UGT3A1: variants seen among roughly 807,000 people sequenced by gnomAD.
UGT3A1 encodes UDP glycosyltransferase family 3 member A1.
A neutral mutation model predicts 37.6 loss-of-function variants in UGT3A1; 40 were observed. The ratio of observed to expected loss-of-function variants is 1.06; its 90% CI spans 0.83 to 1.38. UGT3A1 has a LOEUF of 1.38. Among genes scored for constraint, UGT3A1 ranks in the 40% most tolerant of loss-of-function variants. The pLI is 0.00. For missense variants in UGT3A1, 642 were observed against 634.2 expected (o/e 1.01, Z -0.13); for synonymous variants, 256 against 232.3 (o/e 1.10, Z -0.93).
Position 35,955,681 on chromosome 5 carries a change from AGT to A in UGT3A1, c.1257_1258del (p.Leu420AspfsTer62). The A allele has an allele frequency of 1.9e-6, 3 of 1,614,218 alleles. No individual in the cohort carries two copies. The highest frequency in any genetic ancestry group is 2.5e-6 in the Non-Finnish European group (3 of 1,180,050). ...TATGACTTGTTTCATTGTAAGTGTC[AGT>A]GTGTCGGCTGTGACCTGATTCAACC... On this transcript the variant is annotated frameshift_variant, in exon 6 of 7. Coordinates refer to ENST00000274278, the MANE Select transcript of UGT3A1 (RefSeq NM_152404.4). LOFTEE classifies it low-confidence loss of function (END_TRUNC).
chr5:35,973,294 G>A (rs1045795248), intron 2 of UGT3A1, among the ~76,000 whole-genome samples: 3 of 152,170 alleles, frequency 2.0e-5, no homozygotes, highest in African/African-American at 7.2e-5. Context: ...TTACCCATAA[G>A]AAGGTTCACT....
In UGT3A1 at chr5:35,988,530, A is replaced by G; in HGVS notation, c.116T>C (p.Leu39Ser). 6.2e-7 allele frequency: 1 copy of G among 1,613,302 alleles called. No homozygotes were observed. Among genetic ancestry groups the G allele is most frequent in the Non-Finnish European group, 8.5e-7 (1 of 1,179,628 alleles). ...STLGGSHYLL[L>S]DRVSQILQEH... is the part of the protein sequence containing the mutation. ...TTGAAGAATCTGAGACACCCGGTCC[A>G]ACAGTAGGTAATGGCTTCCACCTAG... Residue 39 changes from leucine (L) to serine (S), a missense_variant, in exon 2 of 7, where the codon TTG becomes TCG. Physicochemically the swap from Leu to Ser is moderately radical, Grantham distance 145. Transcript: ENST00000274278.
Position 35,954,280 on chromosome 5 carries a change from G to T in UGT3A1, c.1494C>A (p.Gly498=), listed in dbSNP as rs369589731. 2 of 1,614,130 alleles carry T rather than the reference G, an allele frequency of 1.2e-6. No homozygotes were observed. The highest frequency in any genetic ancestry group is 2.7e-5 in the African/African-American group (2 of 75,036). Reference sequence around the variant, plus strand: ...GCAGCTTCCCACAAAGCCACATAGTGCCCAGAGTGAGCCCCAGCAGAAACA... The same window carrying T: ...GCAGCTTCCCACAAAGCCACATAGTTCCCAGAGTGAGCCCCAGCAGAAACA... The part of the protein sequence containing the change: ...VFVFLLGLTL[G]TMWLCGKLLG... Residue 498 remains glycine (G), a synonymous_variant, in exon 7 of 7, where the codon GGC becomes GGA. Coordinates refer to ENST00000274278, the MANE Select transcript of UGT3A1 (RefSeq NM_152404.4).
intron 2 of UGT3A1, among the ~76,000 whole-genome samples, chr5:35,983,327 G>A (rs114059316): frequency 0.016 from 2,497 of 152,086 alleles, 66 homozygotes; most frequent in African/African-American, 0.056. Flanking sequence ...TCCAAGGCAC[G>A]TAAAACCTAC....
chr5:35,969,668 G>A (rs1267761407), intron 2 of UGT3A1, among the ~76,000 whole-genome samples: 1 of 152,060 alleles, frequency 6.6e-6, no homozygotes, highest in African/African-American at 2.4e-5. Flanking sequence ...ACACTGATTG[G>A]CTATTTTCTC....
At chr5:35,988,426 A>C (rs1485922937) in intron 2 of UGT3A1, 24 bp downstream of exon 2, 1 of 1,539,140 alleles carries the variant, frequency 6.5e-7, no homozygotes, top group East Asian at 2.3e-5. Context: ...AAAGAATATA[A>C]AAATTAGTTT....
At chr5:35,982,419 G>C (rs1740562454) in intron 2 of UGT3A1, among the ~76,000 whole-genome samples, 2 of 152,266 alleles carry the variant, frequency 1.3e-5, no homozygotes, top group South Asian at 2.1e-4. Context: ...CTGGATGTGA[G>C]ACATGGAATC....
intron 1 of UGT3A1, among the ~76,000 whole-genome samples, chr5:36,000,352 T>C (rs1044538115): frequency 2.0e-5 from 3 of 152,242 alleles, no homozygotes; most frequent in African/African-American, 7.2e-5. Flanking sequence ...GAATTCCTTT[T>C]ACAGTGTGCT....
intron 2 of UGT3A1, among the ~76,000 whole-genome samples, chr5:35,976,385 C>T (rs1456534422): frequency 1.3e-5 from 2 of 152,168 alleles, no homozygotes; most frequent in East Asian, 1.9e-4. Flanking sequence ...TAATGAAAAA[C>T]TGCAACAACC....
In UGT3A1 at chr5:35,954,251, C is replaced by T; in HGVS notation, c.1523G>A (p.Gly508Asp). Residue 508 changes from glycine (G) to aspartate (D), a missense_variant, in exon 7 of 7, where the codon GGT becomes GAT. By Grantham distance (94) the Gly-to-Asp change is moderately conservative (BLOSUM62 -1). Coordinates refer to ENST00000274278, the MANE Select transcript of UGT3A1 (RefSeq NM_152404.4). ...CCCACGCAGCCACCTGGCCACCACA[C>T]CCAGCAGCTTCCCACAAAGCCACAT... ...GTMWLCGKLL[G>D]VVARWLRGAR... is the part of the protein sequence containing the mutation. The T allele has an allele frequency of 1.2e-6, 2 of 1,614,212 alleles. No homozygotes were observed. Among genetic ancestry groups the T allele is most frequent in the Non-Finnish European group, 8.5e-7 (1 of 1,180,044 alleles).
intron 2 of UGT3A1, among the ~76,000 whole-genome samples, chr5:35,978,978 G>A (rs1740410138): frequency 6.6e-6 from 1 of 152,166 alleles, no homozygotes; most frequent in Admixed American, 6.5e-5. Flanking sequence ...AAATCCAACA[G>A]GGCGGTCAAA....
chr5:35,967,059 A>G (rs1390314829), intron 3 of UGT3A1, among the ~76,000 whole-genome samples: 2 of 152,214 alleles, frequency 1.3e-5, no homozygotes, highest in Non-Finnish European at 2.9e-5. Context: ...TAAATTGAAA[A>G]AATCACAGGA....
At chr5:35,997,480 T>G (rs989507624) in intron 1 of UGT3A1, among the ~76,000 whole-genome samples, 3 of 151,634 alleles carry the variant, frequency 2.0e-5, no homozygotes, top group Admixed American at 2.0e-4. Context: ...CAAGCTGGAG[T>G]GCAATGGTGG....
chr5:35,983,106 G>T (rs1293676645), intron 2 of UGT3A1, among the ~76,000 whole-genome samples: 1 of 151,656 alleles, frequency 6.6e-6, no homozygotes, highest in African/African-American at 2.4e-5. Context: ...CATAAATTAC[G>T]CAGTCTCAGG....
At position 35,971,197 on chromosome 5, in the gene UGT3A1, A is replaced by G. The variant is rs371231564; in HGVS notation, c.197-3064T>C. Among the ~76,000 whole-genome samples the G allele has an allele frequency of 2.0e-4, 31 of 152,194 alleles. No individual in the cohort carries two copies. The East Asian group carries it at 5.6e-3, about 28-fold the overall frequency. The stretch of plus-strand genomic sequence containing the variant: ...ATTATAATGAGGATGTCCTCCTTGG[A>G]GGAGACTCATCAAGCACAATCATTC... On this transcript the variant is annotated intron_variant, in intron 2 of 6. Transcript: ENST00000274278.
upstream of UGT3A1, among the ~76,000 whole-genome samples, chr5:35,993,168 A>G (rs1451850613): frequency 6.6e-6 from 1 of 152,096 alleles, no homozygotes; most frequent in East Asian, 1.9e-4. Flanking sequence ...ATCATCTTAT[A>G]TAAAAAATGC....
At chr5:35,955,450 T>G in intron 6 of UGT3A1, 195 bp downstream of exon 6, 1 of 648,070 alleles carries the variant, frequency 1.5e-6, no homozygotes, top group Non-Finnish European at 2.7e-6. Context: ...GGTAGGAAAG[T>G]AATTCTCAGC....
At chr5:35,996,182 A>G (rs1177753372), upstream of UGT3A1, among the ~76,000 whole-genome samples, 1 of 152,160 alleles carries the variant, frequency 6.6e-6, no homozygotes, top group African/African-American at 2.4e-5. Context: ...AGACGAGGAT[A>G]CCTTAAGCGA....
In UGT3A1 at chr5:35,991,378, C is replaced by A. The variant is rs1183000362; in HGVS notation, c.-138G>T. On this transcript the variant is annotated 5_prime_UTR_variant, in exon 1 of 7. Transcript: ENST00000274278. ...AGGTAGGAGACGGATCCTGCCAATT[C>A]TCTCGCCCTTCTGTTCGTTCTCTTT... is the stretch of plus-strand genomic sequence containing the variant. The A allele has an allele frequency of 2.0e-6, 3 of 1,481,866 alleles. No homozygotes were observed. The highest frequency in any genetic ancestry group is 2.7e-6 in the Non-Finnish European group (3 of 1,116,376). The allele number at this position is 1,481,866 out of a possible 1,614,324, so 91.8% of individuals were successfully genotyped here.
Sources: allele counts gnomAD v4.1 joint callset (sites outside exome capture counted in the v4.1 genomes callset), GRCh38; gene constraint gnomAD v4.1.1; transcripts MANE v1.5; gene names NCBI Gene and HGNC (gene_info 2026-07-23, HGNC 2026-07-21).